Variants in EEPD1 observed in about 807,000 individuals in gnomAD.
The protein encoded by EEPD1 is endonuclease/exonuclease/phosphatase family domain containing 1.
EEPD1 carries 17 observed loss-of-function variants against 46.3 expected under a neutral mutation model. The observed-to-expected ratio is 0.37, with a 90% confidence interval of 0.25 to 0.55. EEPD1 has a LOEUF of 0.55. EEPD1 is among the 20% of genes least tolerant of loss of function. The pLI, the probability that EEPD1 is intolerant of heterozygous loss-of-function variation, is 0.83. For missense variants in EEPD1, 673 were observed against 745.6 expected (o/e 0.90, Z 1.13); for synonymous variants, 313 against 315.6 (o/e 0.99, Z 0.09).
At chr7:36,247,868 G>A (rs958519252) in intron 3 of EEPD1, among the ~76,000 whole-genome samples, 4 of 152,216 alleles carry the variant, frequency 2.6e-5, no homozygotes, top group African/African-American at 9.6e-5. Context: ...GGGAACCAAT[G>A]CCCAGATCTT....
chr7:36,286,161 A>G (rs141474026), intron 5 of EEPD1, among the ~76,000 whole-genome samples: 185 of 152,328 alleles, frequency 1.2e-3, no homozygotes, highest in African/African-American at 4.2e-3. Context: ...TTTTAAGGGT[A>G]TAATGAGAAA....
intron 2 of EEPD1, among the ~76,000 whole-genome samples, chr7:36,176,691 A>T (rs559952484): frequency 1.5e-3 from 230 of 152,352 alleles, no homozygotes; most frequent in African/African-American, 5.4e-3. Context: ...ATCTATAATT[A>T]AAAAGATAGT....
At position 36,225,287 on chromosome 7, in the gene EEPD1, C is replaced by G. The variant is rs951760929; in HGVS notation, c.879-13698C>G. 6.6e-6 allele frequency among the ~76,000 whole-genome samples: 1 copy of G among 151,996 alleles called. No homozygotes were observed. Among genetic ancestry groups the G allele is most frequent in the Non-Finnish European group, 1.5e-5 (1 of 68,034 alleles). On this transcript the variant is annotated intron_variant, in intron 2 of 7. Transcript: ENST00000242108. The surrounding 1 kb of genome is among the most constrained non-coding windows in gnomAD (Gnocchi z 4.2). Reference sequence around the variant, plus strand: ...AGGGTGAAACAAGTCGAGAAAGATTCTGGAAAATATGAGAAAAGAAGAACA... The same window carrying G: ...AGGGTGAAACAAGTCGAGAAAGATTGTGGAAAATATGAGAAAAGAAGAACA...
rs769023084 is a variant in EEPD1, at chr7:36,284,646, G to C, written c.1042-40G>C. 13 of 1,594,998 alleles carry C rather than the reference G, an allele frequency of 8.2e-6. No homozygotes were observed. The African/African-American group carries it at 1.2e-4, about 15-fold the overall frequency. On this transcript the variant is annotated intron_variant, in intron 4 of 7. Coordinates refer to ENST00000242108, the MANE Select transcript of EEPD1 (RefSeq NM_030636.3). ...TGCCTCCTTTCCCCAGGTGGCGCTA[G>C]GGCTCTGGCACCAAGACTCTGTCTC...
chr7:36,173,476 C>T (rs899208772), intron 2 of EEPD1, among the ~76,000 whole-genome samples: 5 of 150,854 alleles, frequency 3.3e-5, no homozygotes, highest in African/African-American at 4.9e-5. Context: ...TTCAGCCTGG[C>T]GACAGAGTGA....
At chr7:36,205,767 T>C (rs1409249224) in intron 2 of EEPD1, among the ~76,000 whole-genome samples, 1 of 152,192 alleles carries the variant, frequency 6.6e-6, no homozygotes, top group Non-Finnish European at 1.5e-5. Context: ...GTAGCAAGCA[T>C]AAACCAGGTC....
chr7:36,255,898 G>A (rs1786821798), intron 3 of EEPD1, among the ~76,000 whole-genome samples: 1 of 152,004 alleles, frequency 6.6e-6, no homozygotes, highest in African/African-American at 2.4e-5. Context: ...TGCTTCTCTA[G>A]TTCTTTTAAA....
Position 36,154,607 on chromosome 7 carries a change from A to G in EEPD1, c.283A>G (p.Lys95Glu), listed in dbSNP as rs1328541818. The G allele has an allele frequency of 2.5e-6, 4 of 1,614,020 alleles. No homozygotes were observed. The highest frequency in any genetic ancestry group is 3.4e-6 in the Non-Finnish European group (4 of 1,180,000). The change falls in exon 2 of 8, where the codon AAG becomes GAG. Residue 95 changes from lysine to glutamate, a missense_variant. Physicochemically the swap from Lys to Glu is moderately conservative, Grantham distance 56. Coordinates refer to ENST00000242108, the MANE Select transcript of EEPD1 (RefSeq NM_030636.3). This position sits in a 1 kb window ranked among gnomAD's most constrained non-coding sequence, Gnocchi z 4.2. ...GVGATKLEQVKFEICVSSKGS... is the reference protein window; with the variant it reads ...GVGATKLEQVEFEICVSSKGS... Reference sequence around the variant, plus strand: ...AGGCGCCACCAAGCTGGAGCAGGTCAAGTTTGAGATCTGTGTGAGCAGCAA... The same window carrying G: ...AGGCGCCACCAAGCTGGAGCAGGTCGAGTTTGAGATCTGTGTGAGCAGCAA...
intron 2 of EEPD1, among the ~76,000 whole-genome samples, chr7:36,226,724 A>G (rs1335678613): frequency 6.6e-6 from 1 of 152,220 alleles, no homozygotes; most frequent in Non-Finnish European, 1.5e-5. Context: ...CAATTCAAAT[A>G]ACCATTGAAT....
chr7:36,247,233 T>G (rs141406848), intron 3 of EEPD1, among the ~76,000 whole-genome samples: 1 of 152,296 alleles, frequency 6.6e-6, no homozygotes, highest in Non-Finnish European at 1.5e-5. Flanking sequence ...TCCTGGGAAT[T>G]TTCAGAAGGA....
chr7:36,286,106 C>G (rs777252378), intron 5 of EEPD1, among the ~76,000 whole-genome samples: 16 of 152,260 alleles, frequency 1.1e-4, no homozygotes, highest in Non-Finnish European at 2.1e-4. Flanking sequence ...CCATGTAACC[C>G]TATGGGTGAT....
intron 3 of EEPD1, among the ~76,000 whole-genome samples, chr7:36,253,043 G>A (rs1203781262): frequency 1.3e-5 from 2 of 151,254 alleles, no homozygotes; most frequent in Admixed American, 6.6e-5. Context: ...GTGTCTTAAG[G>A]TGGAAGCTTA....
At chr7:36,224,576 G>A (rs1786200411) in intron 2 of EEPD1, among the ~76,000 whole-genome samples, 1 of 152,254 alleles carries the variant, frequency 6.6e-6, no homozygotes, top group African/African-American at 2.4e-5. Flanking sequence ...GGCATCCTCA[G>A]TATACAGCAA....
At chr7:36,260,587 T>C (rs1786905544) in intron 3 of EEPD1, among the ~76,000 whole-genome samples, 1 of 152,246 alleles carries the variant, frequency 6.6e-6, no homozygotes, top group Non-Finnish European at 1.5e-5. Flanking sequence ...TTTGAGGGGA[T>C]TTCTAAGGCA....
intron 3 of EEPD1, among the ~76,000 whole-genome samples, chr7:36,258,203 C>A (rs1170297120): frequency 6.6e-6 from 1 of 152,206 alleles, no homozygotes; most frequent in Non-Finnish European, 1.5e-5. Flanking sequence ...CTGGAAGCTT[C>A]TTCCCAGAGG....
At chr7:36,281,878 C>T (rs1221015900) in intron 4 of EEPD1, among the ~76,000 whole-genome samples, 1 of 152,116 alleles carries the variant, frequency 6.6e-6, no homozygotes, top group African/African-American at 2.4e-5. Context: ...CATAATTTTC[C>T]TATAAATGCA....
Position 36,287,742 on chromosome 7 carries a change from C to T in EEPD1, c.1280C>T (p.Ala427Val), listed in dbSNP as rs751094626. Reference protein sequence around the residue: ...SKNHSDGHRLASFAQTLQETL... With the variant: ...SKNHSDGHRLVSFAQTLQETL... ...AATCACAGTGATGGCCACCGGTTGG[C>T]GAGCTTTGCACAGACCCTACAGGAA... The change falls in exon 6 of 8, where the codon GCG (alanine) becomes GTG (valine). Residue 427 changes from alanine to valine, a missense_variant. Physicochemically the swap from Ala to Val is moderately conservative, Grantham distance 64. Coordinates refer to ENST00000242108, the MANE Select transcript of EEPD1 (RefSeq NM_030636.3). 5.0e-6 allele frequency: 8 copies of T among 1,614,000 alleles called. No individual in the cohort carries two copies. The African/African-American group carries it at 5.3e-5, about 11-fold the overall frequency.
chr7:36,175,867 G>C (rs551929715), intron 2 of EEPD1, among the ~76,000 whole-genome samples: 7 of 152,358 alleles, frequency 4.6e-5, no homozygotes, highest in Admixed American at 4.6e-4. Flanking sequence ...AGAAGCCTCA[G>C]ACCCTGCAGC....
intron 2 of EEPD1, among the ~76,000 whole-genome samples, chr7:36,176,141 C>T (rs2115642333): frequency 6.6e-6 from 1 of 152,310 alleles, no homozygotes; most frequent in East Asian, 1.9e-4. Context: ...GATCCACTGC[C>T]CTGGTGATGC....
Sources: gnomAD v4.1 joint callset for allele counts (sites outside exome capture counted in the v4.1 genomes callset) on GRCh38, gnomAD v4.1.1 for gene constraint, Gnocchi (gnomAD v3.1) non-coding constraint, MANE v1.5 for transcripts, NCBI Gene and HGNC (gene_info 2026-07-23, HGNC 2026-07-21) for gene names.